SLC4A2: variants seen among roughly 807,000 people sequenced by gnomAD.
The protein encoded by SLC4A2 is solute carrier family 4 member 2.
Under a neutral mutation model 115.0 loss-of-function variants are expected in SLC4A2, and 36 were observed. The ratio of observed to expected loss-of-function variants is 0.31; its 90% CI spans 0.24 to 0.41. The LOEUF (loss-of-function observed/expected upper bound fraction) is 0.41. Ranked by LOEUF, SLC4A2 falls within the 10% of genes least tolerant of loss-of-function variation. The pLI is 1.00. For synonymous variants in SLC4A2, 708 were observed against 708.3 expected (o/e 1.00, Z 0.01); for missense variants, 1,252 against 1,705.6 (o/e 0.73, Z 4.68).
Position 151,064,944 on chromosome 7 carries a change from G to C in SLC4A2, c.556G>C (p.Ala186Pro). The change falls in exon 5 of 23, where the codon GCC becomes CCC. Residue 186 changes from alanine (A) to proline (P), a missense_variant. By Grantham distance (27) the Ala-to-Pro change is conservative (BLOSUM62 -1). This residue lies in a region of SLC4A2 where 215 missense variants were observed against 205.2 expected (regional missense o/e 1.05). Transcript: ENST00000413384. ...PLPHQEATPR[A>P]SKGAQAGTQV... ...GCCCCACCAGGAGGCGACTCCTCGGGCCTCCAAAGGGGCCCAGGCTGGGTA... is the reference window on the plus strand; with the variant it reads ...GCCCCACCAGGAGGCGACTCCTCGGCCCTCCAAAGGGGCCCAGGCTGGGTA... 6.2e-7 allele frequency: 1 copy of C among 1,613,368 alleles called. No homozygotes were observed. The highest frequency in any genetic ancestry group is 8.5e-7 in the Non-Finnish European group (1 of 1,179,546).
intron 16 of SLC4A2, 89 bp downstream of exon 16, chr7:151,072,225 GC>G: frequency 8.2e-7 from 1 of 1,212,160 alleles, no homozygotes; most frequent in Non-Finnish European, 1.2e-6. Flanking sequence ...TGGATTTGAG[GC>G]CAGGCTGGTC....
chr7:151,069,780 C>T (rs1351707747), intron 8 of SLC4A2, among the ~76,000 whole-genome samples, 167 bp from the exon 9 acceptor site: 4 of 152,138 alleles, frequency 2.6e-5, no homozygotes, highest in African/African-American at 7.2e-5. Context: ...GTTGATGTGA[C>T]GTAGGCTCCT....
rs766601043 is a variant in SLC4A2, at chr7:151,070,548, C to T, written c.1541C>T (p.Ala514Val). The change falls in exon 11 of 23, where the codon GCC (alanine) becomes GTC (valine). Residue 514 changes from alanine (A) to valine (V), a missense_variant. This residue lies in a region of SLC4A2 where 87 missense variants were observed against 170.3 expected (regional missense o/e 0.51). Transcript: ENST00000413384. Reference protein sequence around the residue: ...LKLLEKIPENAEATVVLVGCV... With the variant: ...LKLLEKIPENVEATVVLVGCV... ...CTGCTGGAGAAGATTCCTGAGAATG[C>T]CGAGGCCACGGTGGTCCTTGTGGGT... 1 of 1,613,534 alleles carries T rather than the reference C, an allele frequency of 6.2e-7. No individual in the cohort carries two copies. The highest frequency in any genetic ancestry group is 1.7e-5 in the Admixed American group (1 of 59,982).
chr7:151,076,096 C>G lies in SLC4A2; in HGVS notation c.3555C>G (p.Ala1185=). ...ALLWAVMSTA[A]SLAFPFILIL... ...TCTGGGCCGTCATGTCCACAGCTGC[C>G]TCCCTGGCCTTCCCCTTCATCCTCA... is the stretch of plus-strand genomic sequence containing the variant. The change falls in exon 22 of 23, where the codon GCC becomes GCG. Residue 1185 remains alanine, a synonymous_variant. Transcript: ENST00000413384. 2 of 1,611,224 alleles carry G rather than the reference C, an allele frequency of 1.2e-6. No individual in the cohort carries two copies. The highest frequency in any genetic ancestry group is 1.7e-6 in the Non-Finnish European group (2 of 1,180,002).
intron 1 of SLC4A2, chr7:151,061,107 T>C (rs1293375171): frequency 6.6e-6 from 1 of 152,114 alleles, no homozygotes; most frequent in African/African-American, 2.4e-5. Context: ...CACTCAGATT[T>C]TCCTGGCTCC....
chr7:151,073,427 C>T (rs1157742512), intron 16 of SLC4A2, among the ~76,000 whole-genome samples: 1 of 152,010 alleles, frequency 6.6e-6, no homozygotes, highest in Non-Finnish European at 1.5e-5. Context: ...GCTGGAATTA[C>T]AGGTGCCCAC....
At chr7:151,069,168 G>A (rs1302082216) in intron 8 of SLC4A2, among the ~76,000 whole-genome samples, 5 of 51,636 alleles carry the variant, frequency 9.7e-5, no homozygotes, top group Admixed American at 5.4e-4. Flanking sequence ...AAGCAGCTGA[G>A]GACCTAGAAA....
chr7:151,067,807 C>G, intron 7 of SLC4A2, 67 bp from the exon 8 acceptor site: 1 of 1,442,904 alleles, frequency 6.9e-7, no homozygotes, highest in East Asian at 2.3e-5. Flanking sequence ...CACCACTCAC[C>G]TCTGACACCC....
chr7:151,064,169 C>T lies in SLC4A2; in HGVS notation c.52-33C>T, dbSNP rs983291045. The T allele has an allele frequency of 5.0e-6, 8 of 1,605,732 alleles. No homozygotes were observed. The African/African-American group carries it at 9.4e-5, about 19-fold the overall frequency. ...TTCGGGGTACAATTCCCAGTGAGCC[C>T]TGTGTGTTTTCTCTCTGCCTTCTTC... On this transcript the variant is annotated intron_variant, in intron 2 of 22. Coordinates refer to ENST00000413384, the MANE Select transcript of SLC4A2 (RefSeq NM_003040.4).
intron 5 of SLC4A2, among the ~76,000 whole-genome samples, chr7:151,066,167 C>T (rs1797221981): frequency 6.6e-6 from 1 of 152,224 alleles, no homozygotes; most frequent in South Asian, 2.1e-4. Flanking sequence ...TCCTTTTCTG[C>T]ACCAGGACCT....
intron 7 of SLC4A2, 128 bp from the exon 8 acceptor site, chr7:151,067,746 G>T: frequency 1.4e-6 from 1 of 705,702 alleles, no homozygotes; most frequent in African/African-American, 1.9e-5. Flanking sequence ...TGGTGCGCCT[G>T]TGCACCACCC....
chr7:151,071,256 C>T lies in SLC4A2; in HGVS notation c.1934C>T (p.Pro645Leu). 1 of 1,566,498 alleles carries T rather than the reference C, an allele frequency of 6.4e-7. No homozygotes were observed. Among genetic ancestry groups the T allele is most frequent in the Non-Finnish European group, 8.6e-7 (1 of 1,156,550 alleles). ...KKREEQGRLL[P>L]TGAGLEPKSA... Reference sequence around the variant, plus strand: ...CGAGAGGAGCAGGGCCGGCTGCTACCTACAGGGGCTGGGCTGGAGCCCAAA... The same window carrying T: ...CGAGAGGAGCAGGGCCGGCTGCTACTTACAGGGGCTGGGCTGGAGCCCAAA... The change falls in exon 13 of 23, where the codon CCT becomes CTT. Residue 645 changes from proline to leucine, a missense_variant. Transcript: ENST00000413384. This position sits in a 1 kb window ranked among gnomAD's most constrained non-coding sequence, Gnocchi z 5.5.
rs888645553 is a variant in SLC4A2 at position 151,060,836 on chromosome 7, C to A, written c.-64+1074C>A. On this transcript the variant is annotated intron_variant, in intron 1 of 22. Transcript: ENST00000413384. This position sits in a 1 kb window ranked among gnomAD's most constrained non-coding sequence, Gnocchi z 5.9. The stretch of plus-strand genomic sequence containing the variant: ...GGCTCCCCATCCTGGGTGACCCCCC[C>A]AGACCTATATTGTTTGACGCTACAC... 2.0e-5 allele frequency among the ~76,000 whole-genome samples: 3 copies of A among 152,166 alleles called. No homozygotes were observed. The South Asian group carries it at 6.2e-4, about 32-fold the overall frequency.
At position 151,076,451 on chromosome 7, in the gene SLC4A2, C is replaced by T; in HGVS notation, c.*84C>T. ...GTTCCCCCTCCCATGCCCCTCCCTC[C>T]TTTTTATTTAAGTGAATAATTTAAA... On this transcript the variant is annotated 3_prime_UTR_variant, in exon 23 of 23. Transcript: ENST00000413384. The T allele has an allele frequency of 2.7e-6, 3 of 1,099,138 alleles. No individual in the cohort carries two copies. The highest frequency in any genetic ancestry group is 3.8e-6 in the Non-Finnish European group (3 of 795,528). 68.1% of individuals were successfully genotyped at this position (1,099,138 alleles called of 1,614,324 possible). A position where few individuals can be genotyped will look rare whatever the true frequency, so the allele number is the denominator to read the frequency against.
chr7:151,067,344 C>G (rs915037205), intron 7 of SLC4A2, among the ~76,000 whole-genome samples: 1 of 152,186 alleles, frequency 6.6e-6, no homozygotes, highest in Admixed American at 6.5e-5. Flanking sequence ...CCTCGGCCTC[C>G]CAAAGTGCTA....
chr7:151,067,833 C>T, intron 7 of SLC4A2, 41 bp from the exon 8 acceptor site: 3 of 1,593,334 alleles, frequency 1.9e-6, no homozygotes, highest in Non-Finnish European at 2.6e-6. Flanking sequence ...AGGGCTGCCT[C>T]CGGCTCTGTA....
chr7:151,073,676 T>C (rs1383520383), intron 16 of SLC4A2, among the ~76,000 whole-genome samples: 1 of 151,778 alleles, frequency 6.6e-6, no homozygotes, highest in East Asian at 1.9e-4. Context: ...AATCCAGGAG[T>C]GTAGAAAGGG....
rs1243025651 is a variant in SLC4A2, at chr7:151,064,267, C to A, written c.117C>A (p.His39Gln). ...GFPEQEEDEL[H>Q]RTLGVERFEE... Reference sequence around the variant, plus strand: ...CCGAGCAGGAGGAAGACGAACTTCACCGCACCCTGGGCGTGGAGCGGTTTG... The same window carrying A: ...CCGAGCAGGAGGAAGACGAACTTCAACGCACCCTGGGCGTGGAGCGGTTTG... The change falls in exon 3 of 23, where the codon CAC (histidine) becomes CAA (glutamine). Residue 39 changes from histidine to glutamine, a missense_variant. Coordinates refer to ENST00000413384, the MANE Select transcript of SLC4A2 (RefSeq NM_003040.4). The A allele has an allele frequency of 1.9e-6, 3 of 1,612,548 alleles. No homozygotes were observed. The highest frequency in any genetic ancestry group is 2.5e-6 in the Non-Finnish European group (3 of 1,179,950).
chr7:151,069,818 C>A, intron 8 of SLC4A2, 129 bp from the exon 9 acceptor site: 1 of 1,086,100 alleles, frequency 9.2e-7, no homozygotes, highest in Non-Finnish European at 1.4e-6. Flanking sequence ...AGCCCGCGTC[C>A]TTCATGTGTA....
Sources: gnomAD v4.1 joint callset for allele counts (sites outside exome capture counted in the v4.1 genomes callset) on GRCh38, gnomAD v4.1.1 for gene constraint, gnomAD v4.1.1 regional missense constraint, Gnocchi (gnomAD v3.1) non-coding constraint, MANE v1.5 for transcripts, NCBI Gene and HGNC (gene_info 2026-07-23, HGNC 2026-07-21) for gene names.